The following OPRM1 variants were observed in gnomAD, a reference collection of about 807,000 sequenced individuals.
The protein encoded by OPRM1 is mu-type opioid receptor.
A neutral mutation model predicts 31.8 loss-of-function variants in OPRM1; 27 were observed. The ratio of observed to expected loss-of-function variants is 0.85; its 90% CI spans 0.63 to 1.17. OPRM1 has a LOEUF of 1.17. OPRM1 is among the 50% of genes most tolerant of loss of function. The pLI is 0.00. For synonymous variants in OPRM1, 196 were observed against 189.9 expected (o/e 1.03, Z -0.26); for missense variants, 536 against 511.1 (o/e 1.05, Z -0.47).
intron 3 of OPRM1, among the ~76,000 whole-genome samples, chr6:154,147,521 G>A (rs1047239640): frequency 4.6e-5 from 7 of 152,162 alleles, no homozygotes; most frequent in Admixed American, 2.6e-4. Flanking sequence ...TACTTATCAG[G>A]CCAGTTGCTT....
chr6:154,152,327 G>GAAAAGAAAAGA (rs1554285056), intron 3 of OPRM1, among the ~76,000 whole-genome samples: 1 of 28,646 alleles, frequency 3.5e-5, no homozygotes, highest in Non-Finnish European at 6.9e-5. Flanking sequence ...AAGAAAGAAA[G>GAAAAGAAAAGA]AAAGAAAGAA....
At chr6:154,149,125 G>A (rs905964943) in intron 3 of OPRM1, among the ~76,000 whole-genome samples, 1 of 152,178 alleles carries the variant, frequency 6.6e-6, no homozygotes, top group Non-Finnish European at 1.5e-5. Flanking sequence ...AGACATACCT[G>A]AGACTGGGTA....
At chr6:154,219,564 G>C (rs1052205538) in intron 3 of OPRM1, among the ~76,000 whole-genome samples, 7 of 152,098 alleles carry the variant, frequency 4.6e-5, no homozygotes, top group African/African-American at 1.7e-4. Flanking sequence ...TAGCGGGCGA[G>C]ACCTTGTGCC....
chr6:154,175,193 A>G (rs1800210143), intron 3 of OPRM1, among the ~76,000 whole-genome samples: 1 of 152,262 alleles, frequency 6.6e-6, no homozygotes, highest in Non-Finnish European at 1.5e-5. Context: ...GGAAATTTAC[A>G]GCACTAAATG....
Position 154,143,816 on chromosome 6 carries a change from CCACA to C in OPRM1, c.1164+52359_1164+52362del, listed in dbSNP as rs769646327. 4.7e-5 allele frequency among the ~76,000 whole-genome samples: 7 copies of C among 150,440 alleles called. No individual in the cohort carries two copies. The South Asian group carries it at 1.5e-3, about 32-fold the overall frequency. The stretch of plus-strand genomic sequence containing the variant: ...TTTTCCTTACTTCTACTACAAAATA[CCACA>C]CACACACACACACAAATTGAAAACA... On this transcript the variant is annotated intron_variant, in intron 3 of 3. Transcript: ENST00000337049.
At position 154,212,699 on chromosome 6, in the gene OPRM1, C is replaced by T. The variant is rs1026452596; in HGVS notation, c.1165-33994C>T. On this transcript the variant is annotated intron_variant, in intron 3 of 3. Coordinates refer to the OPRM1 transcript ENST00000337049. The stretch of plus-strand genomic sequence containing the variant: ...AAAAATTTATTGGTCAAGCTACTTC[C>T]TATTCAATTGGAAGAAATGACATCC... 57 of 1,029,178 alleles carry T rather than the reference C, an allele frequency of 5.5e-5. No homozygotes were observed. The East Asian group carries it at 1.4e-3, about 24-fold the overall frequency. 63.8% of individuals were successfully genotyped at this position (1,029,178 alleles called of 1,614,324 possible).
At chr6:154,088,872 C>T (rs1268589442) in intron 1 of OPRM1, among the ~76,000 whole-genome samples, 1 of 152,188 alleles carries the variant, frequency 6.6e-6, no homozygotes, top group Non-Finnish European at 1.5e-5. Context: ...GCTTGACACA[C>T]ACATCAGGCC....
At chr6:154,140,252 C>G (rs1798162732) in intron 3 of OPRM1, among the ~76,000 whole-genome samples, 1 of 152,180 alleles carries the variant, frequency 6.6e-6, no homozygotes, top group South Asian at 2.1e-4. Context: ...AACTTTCAAG[C>G]TTACATACTT....
intron 3 of OPRM1, among the ~76,000 whole-genome samples, chr6:154,189,892 C>T (rs1012912): frequency 0.095 from 14,327 of 150,954 alleles, 1,065 homozygotes; most frequent in African/African-American, 0.21. Context: ...TGCAGTGAGC[C>T]GAGAATGCAC....
chr6:154,087,135 AAAGCCCCC>A, intron 1 of OPRM1: 1 of 985,442 alleles, frequency 1.0e-6, no homozygotes, highest in Non-Finnish European at 1.2e-6. Flanking sequence ...AGTCCAAAAA[AAAGCCCCC>A]AAGTCTGAAA....
chr6:154,189,397 A>G (rs1223383954), intron 3 of OPRM1, among the ~76,000 whole-genome samples: 4 of 152,210 alleles, frequency 2.6e-5, no homozygotes, highest in Admixed American at 6.5e-5. Flanking sequence ...CCGTAGAGAA[A>G]TGCAGGCATA....
In OPRM1 at chr6:154,198,267, C is replaced by T. The variant is rs1776783651; in HGVS notation, c.1165-48426C>T. Among the ~76,000 whole-genome samples, 4 of 152,256 alleles carry T rather than the reference C, an allele frequency of 2.6e-5. No individual in the cohort carries two copies. The South Asian group carries it at 8.3e-4, about 32-fold the overall frequency. On this transcript the variant is annotated intron_variant, in intron 3 of 3. Transcript: ENST00000337049. ...GTGCTTCCAAGGAGATACAATTAAG[C>T]TCAATACTTTCACCAAACGACAGCA...
chr6:154,231,360 A>C lies in OPRM1; in HGVS notation c.1165-15333A>C, dbSNP rs76483935. Reference sequence around the variant, plus strand: ...GGAAACTGGATAATAATCAGCAAAAATGCACTTGCCCATTGACCCAGAAAT... The same window carrying C: ...GGAAACTGGATAATAATCAGCAAAACTGCACTTGCCCATTGACCCAGAAAT... On this transcript the variant is annotated intron_variant, in intron 3 of 3. Transcript: ENST00000337049. 4.4e-3 allele frequency among the ~76,000 whole-genome samples: 668 copies of C among 152,344 alleles called. 2 individuals carry two copies. Among genetic ancestry groups the C allele is most frequent in the African/African-American group, 0.015 (632 of 41,576 alleles).
chr6:154,072,324 T>C (rs1786958933), intron 1 of OPRM1, among the ~76,000 whole-genome samples: 1 of 148,984 alleles, frequency 6.7e-6, no homozygotes, highest in Non-Finnish European at 1.5e-5. Flanking sequence ...GTCTCTGAAC[T>C]CCAGAAGCTT....
At position 154,119,825 on chromosome 6, in the gene OPRM1, A is replaced by T. The variant is rs182524678; in HGVS notation, c.*1104A>T. 5.6e-4 allele frequency among the ~76,000 whole-genome samples: 86 copies of T among 152,352 alleles called. No homozygotes were observed. Among genetic ancestry groups the T allele is most frequent in the African/African-American group, 1.9e-3 (79 of 41,588 alleles). ...GTAGTTACTTGGATGTGAAATATTA[A>T]CAATGGCCCAAAAATATTTTCCTGA... is the stretch of plus-strand genomic sequence containing the variant. On this transcript the variant is annotated 3_prime_UTR_variant, in exon 4 of 4. Coordinates refer to ENST00000330432, the MANE Select transcript of OPRM1 (RefSeq NM_000914.5).
chr6:154,110,258 C>T (rs497332), intron 3 of OPRM1: 7 of 643,748 alleles, frequency 1.1e-5, no homozygotes, highest in Non-Finnish European at 1.9e-5. Flanking sequence ...AATCTATGTA[C>T]CTTTGGGGTA....
At chr6:154,049,846 A>G (rs1283284185) in intron 1 of OPRM1, among the ~76,000 whole-genome samples, 1 of 152,222 alleles carries the variant, frequency 6.6e-6, no homozygotes, top group South Asian at 2.1e-4. Flanking sequence ...TTGCATCCCA[A>G]GGATAAATCC....
intron 1 of OPRM1, among the ~76,000 whole-genome samples, chr6:154,020,940 C>T (rs1053030460): frequency 6.6e-6 from 1 of 152,174 alleles, no homozygotes; most frequent in African/African-American, 2.4e-5. Flanking sequence ...ACAGTGCTTT[C>T]ACAGAGTAAA....
At chr6:154,232,153 T>C (rs1292530497) in intron 3 of OPRM1, among the ~76,000 whole-genome samples, 4 of 152,136 alleles carry the variant, frequency 2.6e-5, no homozygotes, top group African/African-American at 9.7e-5. Flanking sequence ...GCCCCTTCCT[T>C]TCAGAAAAGG....
Sources: allele counts gnomAD v4.1 joint callset (sites outside exome capture counted in the v4.1 genomes callset), GRCh38; gene constraint gnomAD v4.1.1; transcripts MANE v1.5; gene names NCBI Gene and HGNC (gene_info 2026-07-23, HGNC 2026-07-21).